Variants in UMAD1 observed in about 807,000 individuals in gnomAD.
UMAD1 encodes the protein UBAP1-MVB12-associated (UMA) domain containing 1.
In UMAD1, 8 loss-of-function variants were observed where a neutral mutation model predicts 6.1. The observed-to-expected ratio is 1.30, with a 90% CI of 0.76 to 2.35. The LOEUF (loss-of-function observed/expected upper bound fraction) is 2.35, where lower values mean the gene tolerates loss of function less well. Among genes scored for constraint, UMAD1 ranks in the 30% most tolerant of loss-of-function variants. The pLI, the probability that UMAD1 is intolerant of heterozygous loss-of-function variation, is 0.00. For synonymous variants in UMAD1, 56 were observed against 31.4 expected (o/e 1.78, Z -2.61); for missense variants, 130 against 78.4 (o/e 1.66, Z -2.49).
intron 2 of UMAD1, among the ~76,000 whole-genome samples, chr7:7,709,423 T>C (rs1456331609): frequency 6.6e-6 from 1 of 152,218 alleles, no homozygotes; most frequent in East Asian, 1.9e-4. Context: ...AGGTCAGATG[T>C]TGGTGTTGAC....
intron 3 of UMAD1, among the ~76,000 whole-genome samples, chr7:7,831,300 A>G (rs946962280): frequency 3.3e-5 from 5 of 152,214 alleles, no homozygotes; most frequent in African/African-American, 1.2e-4. Flanking sequence ...TTCTTGTTAT[A>G]TATTTTTGGA....
intron 3 of UMAD1, among the ~76,000 whole-genome samples, chr7:7,836,007 T>C (rs1435718549): frequency 6.6e-6 from 1 of 152,066 alleles, no homozygotes; most frequent in Non-Finnish European, 1.5e-5. Context: ...TTTCTTCCTG[T>C]AACATGAGAA....
chr7:7,724,587 G>T (rs951582567), intron 2 of UMAD1, among the ~76,000 whole-genome samples: 1 of 152,186 alleles, frequency 6.6e-6, no homozygotes, highest in Non-Finnish European at 1.5e-5. Flanking sequence ...AGATGCAGGG[G>T]TGGTGATTCC....
chr7:7,873,215 G>C (rs1784361627), intron 3 of UMAD1, among the ~76,000 whole-genome samples: 1 of 152,166 alleles, frequency 6.6e-6, no homozygotes, highest in Non-Finnish European at 1.5e-5. Flanking sequence ...ATAAACAAGA[G>C]ACCTGGGATT....
At chr7:7,796,244 C>CTTTCTT (rs748782605) in intron 2 of UMAD1, among the ~76,000 whole-genome samples, 1 of 63,978 alleles carries the variant, frequency 1.6e-5, no homozygotes, top group Non-Finnish European at 2.5e-5. Flanking sequence ...TATTTTCTTT[C>CTTTCTT]TTTTTTTTTT....
chr7:7,789,807 T>C (rs1782534474), intron 2 of UMAD1, among the ~76,000 whole-genome samples: 1 of 152,230 alleles, frequency 6.6e-6, no homozygotes, highest in Non-Finnish European at 1.5e-5. Flanking sequence ...CTAAATAATA[T>C]TCTACTGTAT....
chr7:7,654,323 T>A (rs1785293276), intron 1 of UMAD1, among the ~76,000 whole-genome samples: 1 of 152,188 alleles, frequency 6.6e-6, no homozygotes, highest in South Asian at 2.1e-4. Flanking sequence ...GGAAATAGGA[T>A]CTGACAAGAG....
chr7:7,873,719 T>C (rs562175086), intron 3 of UMAD1, among the ~76,000 whole-genome samples: 15 of 152,260 alleles, frequency 9.9e-5, no homozygotes, highest in African/African-American at 3.6e-4. Flanking sequence ...TTGTGACGAG[T>C]TCCTTCTCTA....
intron 3 of UMAD1, among the ~76,000 whole-genome samples, chr7:7,802,050 A>G (rs1220173171): frequency 6.6e-6 from 1 of 152,264 alleles, no homozygotes; most frequent in Non-Finnish European, 1.5e-5. Context: ...ATTTCAATAA[A>G]TAGGCAGTAT....
chr7:7,700,522 C>G (rs1359010224), intron 2 of UMAD1, among the ~76,000 whole-genome samples: 1 of 152,042 alleles, frequency 6.6e-6, no homozygotes, highest in East Asian at 1.9e-4. Flanking sequence ...GCCATAAGTT[C>G]TAGACCATAC....
At chr7:7,768,078 G>A (rs1274152680) in intron 2 of UMAD1, among the ~76,000 whole-genome samples, 1 of 151,788 alleles carries the variant, frequency 6.6e-6, no homozygotes, top group African/African-American at 2.4e-5. Context: ...CTAGCCCATA[G>A]GAACCTGGAA....
At chr7:7,740,629 T>C (rs893104489) in intron 2 of UMAD1, 1 of 152,216 alleles carries the variant, frequency 6.6e-6, no homozygotes, top group African/African-American at 2.4e-5. Flanking sequence ...TCTTTTAATC[T>C]GCCTTTTGCA....
At chr7:7,773,598 G>A (rs919739248) in intron 2 of UMAD1, among the ~76,000 whole-genome samples, 2 of 152,074 alleles carry the variant, frequency 1.3e-5, no homozygotes, top group African/African-American at 2.4e-5. Flanking sequence ...GGAACCTATT[G>A]TGTTCACAAA....
intron 3 of UMAD1, among the ~76,000 whole-genome samples, chr7:7,859,161 A>C (rs999950324): frequency 6.6e-6 from 1 of 152,230 alleles, no homozygotes; most frequent in Non-Finnish European, 1.5e-5. Context: ...GGCATATATT[A>C]TAATAATTTT....
chr7:7,830,991 A>G lies in UMAD1; in HGVS notation c.156+29248A>G, dbSNP rs935488761. ...AGTCCTTAAAATATGTATTTTATTG[A>G]TAAAAATCAATGCTTGTATTTCTCT... On this transcript the variant is annotated intron_variant, in intron 3 of 3. Coordinates refer to ENST00000682710, the MANE Select transcript of UMAD1 (RefSeq NM_001302348.2). The surrounding 1 kb of genome is among the most constrained non-coding windows in gnomAD (Gnocchi z 5.3). Among the ~76,000 whole-genome samples, 2 of 152,174 alleles carry G rather than the reference A, an allele frequency of 1.3e-5. No homozygotes were observed. The highest frequency in any genetic ancestry group is 4.8e-5 in the African/African-American group (2 of 41,454).
chr7:7,806,381 C>T (rs1284761911), intron 3 of UMAD1, among the ~76,000 whole-genome samples: 1 of 152,100 alleles, frequency 6.6e-6, no homozygotes, highest in South Asian at 2.1e-4. Flanking sequence ...CCCCAATGTC[C>T]TCTTAATGCT....
At chr7:7,731,303 A>G (rs760445899) in intron 2 of UMAD1, among the ~76,000 whole-genome samples, 13 of 152,022 alleles carry the variant, frequency 8.6e-5, no homozygotes, top group Non-Finnish European at 1.3e-4. Context: ...CCCGGCCTCA[A>G]ATATGTGTTT....
intron 3 of UMAD1, among the ~76,000 whole-genome samples, chr7:7,842,616 T>TA (rs1477640202): frequency 6.7e-5 from 10 of 150,206 alleles, no homozygotes; most frequent in Non-Finnish European, 8.8e-5. Flanking sequence ...TTACCTTTTT[T>TA]TAAAAAAAAA....
At chr7:7,669,691 G>C (rs1006081606) in intron 1 of UMAD1, among the ~76,000 whole-genome samples, 14 of 152,210 alleles carry the variant, frequency 9.2e-5, no homozygotes, top group African/African-American at 2.9e-4. Flanking sequence ...ACAACATCTT[G>C]AGGTGGACTG....
Sources: allele counts gnomAD v4.1 joint callset (sites outside exome capture counted in the v4.1 genomes callset), GRCh38; gene constraint gnomAD v4.1.1; non-coding constraint Gnocchi (gnomAD v3.1); transcripts MANE v1.5; gene names NCBI Gene and HGNC (gene_info 2026-07-23, HGNC 2026-07-21).